The following TRIQK variants were observed in gnomAD, a reference collection of about 807,000 sequenced individuals.
TRIQK encodes the protein triple QxxK/R motif-containing protein.
A neutral mutation model predicts 10.8 loss-of-function variants in TRIQK; 10 were observed. That is an observed-to-expected ratio of 0.92 (90% CI 0.57 to 1.57). The LOEUF (loss-of-function observed/expected upper bound fraction) is 1.57, where lower values mean the gene tolerates loss of function less well. TRIQK is among the 40% of genes most tolerant of loss of function. The probability of loss-of-function intolerance (pLI) is 0.00; values close to 1 mark genes in which losing one functional copy is unlikely to be tolerated. For missense variants in TRIQK, 107 were observed against 97.7 expected (o/e 1.09, Z -0.40); for synonymous variants, 33 against 33.7 (o/e 0.98, Z 0.07).
At chr8:93,000,567 G>T (rs1813199937) in intron 1 of TRIQK, among the ~76,000 whole-genome samples, 1 of 152,246 alleles carries the variant, frequency 6.6e-6, no homozygotes, top group Admixed American at 6.5e-5. Flanking sequence ...TACAATTCAA[G>T]AAGAGATTTG....
chr8:92,977,235 T>C (rs994855075), intron 1 of TRIQK, among the ~76,000 whole-genome samples: 1 of 152,070 alleles, frequency 6.6e-6, no homozygotes, highest in Non-Finnish European at 1.5e-5. Flanking sequence ...TATTTTTGAA[T>C]GATATTTTTG....
intron 3 of TRIQK, among the ~76,000 whole-genome samples, chr8:92,900,025 C>T (rs1449603948): frequency 6.6e-6 from 1 of 152,130 alleles, no homozygotes; most frequent in Non-Finnish European, 1.5e-5. Flanking sequence ...TGTTTTCATA[C>T]ACCTGTTTGC....
chr8:92,894,713 TTA>T (rs1808500195), intron 3 of TRIQK, among the ~76,000 whole-genome samples: 1 of 152,160 alleles, frequency 6.6e-6, no homozygotes, highest in African/African-American at 2.4e-5. Context: ...TATTAGTTCT[TTA>T]TGTGTTTCAT....
intron 1 of TRIQK, among the ~76,000 whole-genome samples, chr8:92,983,719 T>C (rs564386703): frequency 6.6e-6 from 1 of 152,124 alleles, no homozygotes; most frequent in Admixed American, 6.6e-5. Context: ...TGGAAAGAAA[T>C]TGGTAAACAC....
chr8:92,894,329 G>A (rs1816906749), intron 3 of TRIQK, among the ~76,000 whole-genome samples: 1 of 151,844 alleles, frequency 6.6e-6, no homozygotes. Flanking sequence ...TCATTCCATT[G>A]TACCCAAAGA....
chr8:92,983,953 T>G (rs1426805661), intron 1 of TRIQK, among the ~76,000 whole-genome samples: 4 of 152,114 alleles, frequency 2.6e-5, no homozygotes, highest in African/African-American at 9.6e-5. Context: ...GCTGTATTCC[T>G]ATGCCTAATT....
chr8:92,945,156 C>T (rs531406593), intron 2 of TRIQK, among the ~76,000 whole-genome samples: 5 of 152,246 alleles, frequency 3.3e-5, no homozygotes, highest in African/African-American at 7.2e-5. Context: ...GTATCTCACC[C>T]AATTCACTAC....
intron 1 of TRIQK, among the ~76,000 whole-genome samples, chr8:93,002,408 A>C (rs755249126): frequency 2.0e-5 from 3 of 152,184 alleles, no homozygotes; most frequent in Non-Finnish European, 4.4e-5. Flanking sequence ...AAAATCAGAG[A>C]TAAAAATAAA....
intron 3 of TRIQK, among the ~76,000 whole-genome samples, chr8:92,896,161 C>G (rs1240566704): frequency 6.6e-6 from 1 of 152,196 alleles, no homozygotes; most frequent in Non-Finnish European, 1.5e-5. Flanking sequence ...CCTGGAGTTG[C>G]CTTGGGACTC....
intron 3 of TRIQK, among the ~76,000 whole-genome samples, chr8:92,906,465 A>T (rs1809262510): frequency 6.6e-6 from 1 of 152,146 alleles, no homozygotes; most frequent in Non-Finnish European, 1.5e-5. Flanking sequence ...AAAGACCCTC[A>T]GTAAACTAAG....
chr8:92,901,394 C>T (rs1048066122), intron 3 of TRIQK, among the ~76,000 whole-genome samples: 2 of 152,076 alleles, frequency 1.3e-5, no homozygotes, highest in African/African-American at 4.8e-5. Flanking sequence ...TCATATATGG[C>T]TTTTATTACG....
intron 1 of TRIQK, among the ~76,000 whole-genome samples, chr8:93,002,334 T>G (rs1813219554): frequency 6.6e-6 from 1 of 151,874 alleles, no homozygotes; most frequent in South Asian, 2.1e-4. Context: ...AAAAATGAGT[T>G]TTTTGAAGTG....
At chr8:92,889,539 T>C (rs1441447005) in intron 4 of TRIQK, among the ~76,000 whole-genome samples, 2 of 151,636 alleles carry the variant, frequency 1.3e-5, no homozygotes, top group African/African-American at 2.4e-5. Context: ...TTTTGTAATA[T>C]ATAATATGGC....
chr8:92,995,791 C>G (rs1813147061), intron 1 of TRIQK, among the ~76,000 whole-genome samples: 1 of 152,038 alleles, frequency 6.6e-6, no homozygotes, highest in Non-Finnish European at 1.5e-5. Flanking sequence ...TCTTACAGCT[C>G]TAGTTCACAG....
At chr8:92,997,699 T>C (rs1563675042) in intron 1 of TRIQK, among the ~76,000 whole-genome samples, 1 of 152,088 alleles carries the variant, frequency 6.6e-6, no homozygotes, top group Non-Finnish European at 1.5e-5. Flanking sequence ...ATTTGTTGCA[T>C]GAATCAATCA....
intron 3 of TRIQK, among the ~76,000 whole-genome samples, chr8:92,902,458 G>A (rs927616555): frequency 6.6e-6 from 1 of 152,134 alleles, no homozygotes. Context: ...GGTGAAGTAC[G>A]GGAAAGGGGT....
At chr8:92,978,495 G>A (rs917857874) in intron 1 of TRIQK, among the ~76,000 whole-genome samples, 5 of 152,070 alleles carry the variant, frequency 3.3e-5, no homozygotes, top group Admixed American at 6.6e-5. Flanking sequence ...ATTATTTATC[G>A]TAATTTGGGG....
intron 3 of TRIQK, among the ~76,000 whole-genome samples, chr8:92,900,420 G>T (rs758504276): frequency 6.6e-6 from 1 of 151,982 alleles, no homozygotes; most frequent in Non-Finnish European, 1.5e-5. Flanking sequence ...TTTTGTATAT[G>T]GTAAAAGATA....
chr8:92,957,944 A>AT (rs1812257099), intron 1 of TRIQK, among the ~76,000 whole-genome samples: 1 of 151,974 alleles, frequency 6.6e-6, no homozygotes, highest in African/African-American at 2.4e-5. Context: ...CCATGAAAGT[A>AT]TAATCATAGA....
Sources: allele counts gnomAD v4.1 joint callset (sites outside exome capture counted in the v4.1 genomes callset), GRCh38; gene constraint gnomAD v4.1.1; transcripts MANE v1.5; gene names NCBI Gene and HGNC (gene_info 2026-07-23, HGNC 2026-07-21).